CTNNA3: variants seen among roughly 807,000 people sequenced by gnomAD.
CTNNA3 encodes the protein catenin alpha-3.
In CTNNA3, 76 loss-of-function variants were observed where a neutral mutation model predicts 95.7. The observed-to-expected ratio is 0.79, with a 90% CI of 0.66 to 0.96. The LOEUF (loss-of-function observed/expected upper bound fraction) is 0.96, where lower values mean the gene tolerates loss of function less well. Ranked by LOEUF, CTNNA3 falls within the 40% of genes least tolerant of loss-of-function variation. CTNNA3 has a pLI of 0.00. For missense variants in CTNNA3, 1,191 were observed against 1,089.8 expected, an observed-to-expected ratio of 1.09 and a Z score of -1.31; for synonymous variants, 431 against 374.4, an observed-to-expected ratio of 1.15 and a Z score of -1.74.
intron 5 of CTNNA3, among the ~76,000 whole-genome samples, chr10:67,388,012 T>A (rs1589241416): frequency 6.6e-6 from 1 of 151,772 alleles, no homozygotes; most frequent in Non-Finnish European, 1.5e-5. Context: ...CCTCTCCTCC[T>A]CCAAAGGAAC....
intron 9 of CTNNA3, among the ~76,000 whole-genome samples, chr10:66,742,389 A>C (rs1589198225): frequency 6.6e-6 from 1 of 152,064 alleles, no homozygotes; most frequent in Non-Finnish European, 1.5e-5. Context: ...GCATGCCCGA[A>C]ACTTCATTAT....
At chr10:66,033,431 G>A (rs777209154) in intron 15 of CTNNA3, among the ~76,000 whole-genome samples, 6 of 152,002 alleles carry the variant, frequency 3.9e-5, no homozygotes, top group African/African-American at 7.2e-5. Context: ...CACTGTGCCC[G>A]GCATAATTGT....
chr10:67,028,975 A>G (rs953294017), intron 7 of CTNNA3, among the ~76,000 whole-genome samples: 2 of 152,194 alleles, frequency 1.3e-5, no homozygotes, highest in African/African-American at 4.8e-5. Flanking sequence ...TCAAAAATCA[A>G]CAGCAATCAT....
At chr10:67,184,120 T>C (rs1427812754) in intron 6 of CTNNA3, among the ~76,000 whole-genome samples, 1 of 152,182 alleles carries the variant, frequency 6.6e-6, no homozygotes, top group African/African-American at 2.4e-5. Context: ...TCCTAAGCAT[T>C]TTTCTGCTAA....
At chr10:67,013,772 G>C (rs1852483325) in intron 7 of CTNNA3, among the ~76,000 whole-genome samples, 2 of 152,060 alleles carry the variant, frequency 1.3e-5, no homozygotes, top group Admixed American at 1.3e-4. Flanking sequence ...TAATATCCTG[G>C]AAGTTTTTTT....
chr10:66,923,995 A>C (rs963143043), intron 7 of CTNNA3, among the ~76,000 whole-genome samples: 1 of 152,218 alleles, frequency 6.6e-6, no homozygotes, highest in Admixed American at 6.5e-5. Context: ...CAGTATTATA[A>C]GTGTGCAAAC....
In CTNNA3 at chr10:66,172,616, C is replaced by T. The variant is rs2085492986; in HGVS notation, c.1885-69367G>A. Reference sequence around the variant, plus strand: ...TTTCCAGGTAATTTTTCATTCATTGCATCTATGATAAATTGATGGTATTTC... The same window carrying T: ...TTTCCAGGTAATTTTTCATTCATTGTATCTATGATAAATTGATGGTATTTC... On this transcript the variant is annotated intron_variant, in intron 13 of 17. Coordinates refer to ENST00000433211, the MANE Select transcript of CTNNA3 (RefSeq NM_013266.4). Among the ~76,000 whole-genome samples the T allele has an allele frequency of 2.6e-5, 4 of 151,936 alleles. No individual in the cohort carries two copies. In the South Asian group the frequency reaches 8.3e-4, roughly 32 times the overall value.
At chr10:67,171,658 G>A (rs1008908978) in intron 7 of CTNNA3, among the ~76,000 whole-genome samples, 17 of 152,036 alleles carry the variant, frequency 1.1e-4, no homozygotes, top group African/African-American at 4.1e-4. Context: ...AGGCTGTAGT[G>A]GGAGGATGAC....
chr10:66,829,990 A>T (rs894672536), intron 7 of CTNNA3, among the ~76,000 whole-genome samples: 1 of 150,502 alleles, frequency 6.6e-6, no homozygotes, highest in South Asian at 2.1e-4. Context: ...CTCAGCCTCC[A>T]GAGTAGCTGG....
At chr10:66,807,501 G>A (rs1330241044) in intron 7 of CTNNA3, among the ~76,000 whole-genome samples, 3 of 152,032 alleles carry the variant, frequency 2.0e-5, no homozygotes, top group South Asian at 2.1e-4. Flanking sequence ...TGTCCTCTTC[G>A]TTTGTTGCAA....
chr10:66,543,110 G>T (rs1471625889), intron 10 of CTNNA3, among the ~76,000 whole-genome samples: 1 of 152,026 alleles, frequency 6.6e-6, no homozygotes. Context: ...TTGTTTGTTT[G>T]TTTTTTCTTG....
chr10:66,763,998 G>C (rs1244912997), intron 9 of CTNNA3, among the ~76,000 whole-genome samples: 1 of 152,148 alleles, frequency 6.6e-6, no homozygotes, highest in East Asian at 1.9e-4. Flanking sequence ...AGATTAGTGA[G>C]AGATAACAAA....
At position 67,691,581 on chromosome 10, in the gene CTNNA3, G is replaced by A. The variant is rs570684276; in HGVS notation, c.-6+4419C>T. On this transcript the variant is annotated intron_variant, in intron 1 of 17. Transcript: ENST00000433211. ...ATGTGAGGAGCGTCTCTGCCCGGTC[G>A]CCCCGTCTGAGAAGTGAGGAGACCC... Among the ~76,000 whole-genome samples the A allele has an allele frequency of 9.4e-5, 14 of 148,502 alleles. No individual in the cohort carries two copies. The South Asian group carries it at 1.1e-3, about 12-fold the overall frequency.
Position 66,374,612 on chromosome 10 carries a change from T to C in CTNNA3, c.1732+4540A>G, listed in dbSNP as rs1380228843. On this transcript the variant is annotated intron_variant, in intron 12 of 17. Transcript: ENST00000433211. ...TCCATTTTGAAAGAAAAGCCTTTTT[T>C]TTTTTTTTTTTTTTTTTTTTGAGAC... Among the ~76,000 whole-genome samples the C allele has an allele frequency of 2.1e-3, 249 of 116,844 alleles. 9 individuals are homozygous for C. Among genetic ancestry groups the C allele is most frequent in the African/African-American group, 7.0e-3 (235 of 33,790 alleles). The allele number at this position is 116,844 out of a possible 152,430, so 76.7% of individuals were successfully genotyped here. A position where few individuals can be genotyped will look rare whatever the true frequency, so the allele number is the denominator to read the frequency against.
intron 11 of CTNNA3, among the ~76,000 whole-genome samples, chr10:66,398,329 A>C (rs1402346598): frequency 1.3e-5 from 2 of 151,954 alleles, no homozygotes; most frequent in Non-Finnish European, 2.9e-5. Flanking sequence ...TATGTGCTCA[A>C]GAACAAATTT....
At chr10:66,408,054 C>A (rs183582047) in intron 11 of CTNNA3, among the ~76,000 whole-genome samples, 4 of 152,258 alleles carry the variant, frequency 2.6e-5, no homozygotes, top group East Asian at 3.9e-4. Context: ...AAATAACCTA[C>A]GTGCATCCTC....
chr10:66,337,149 T>C (rs1160034004), intron 12 of CTNNA3, among the ~76,000 whole-genome samples: 1 of 152,164 alleles, frequency 6.6e-6, no homozygotes, highest in African/African-American at 2.4e-5. Flanking sequence ...GGGTTTATCA[T>C]AGTTATTGGA....
chr10:66,328,588 A>G (rs1299597777), intron 12 of CTNNA3, among the ~76,000 whole-genome samples: 1 of 151,830 alleles, frequency 6.6e-6, no homozygotes, highest in African/African-American at 2.4e-5. Flanking sequence ...CTTTCCTGAA[A>G]TCTCACGGTC....
chr10:66,310,509 T>C (rs1441730708), intron 12 of CTNNA3, among the ~76,000 whole-genome samples: 2 of 152,130 alleles, frequency 1.3e-5, no homozygotes, highest in Non-Finnish European at 2.9e-5. Context: ...CCATCAAGTG[T>C]GTCTTTAAAT....
Sources: allele counts gnomAD v4.1 joint callset (sites outside exome capture counted in the v4.1 genomes callset), GRCh38; gene constraint gnomAD v4.1.1; transcripts MANE v1.5; gene names NCBI Gene and HGNC (gene_info 2026-07-23, HGNC 2026-07-21).